Variants in GFI1B observed in about 807,000 individuals in gnomAD.
The protein encoded by GFI1B is growth factor independent 1B transcriptional repressor, also known as zinc finger protein Gfi-1b.
GFI1B carries 20 observed loss-of-function variants against 35.3 expected under a neutral mutation model. The ratio of observed to expected loss-of-function variants is 0.57; its 90% CI spans 0.40 to 0.82. The LOEUF is 0.82. GFI1B is among the 40% of genes least tolerant of loss of function. The probability of loss-of-function intolerance (pLI) is 0.00; values close to 1 mark genes in which losing one functional copy is unlikely to be tolerated. For synonymous variants in GFI1B, 178 were observed against 177.6 expected, an observed-to-expected ratio of 1.00 and a Z score of -0.02; for missense variants, 430 against 446.3, an observed-to-expected ratio of 0.96 and a Z score of 0.33.
chr9:132,955,694 G>T (rs1199709730), intron 1 of GFI1B, among the ~76,000 whole-genome samples: 2 of 151,922 alleles, frequency 1.3e-5, no homozygotes, highest in African/African-American at 4.8e-5. Flanking sequence ...TTTTCTGAAG[G>T]TAATTTAAAT....
chr9:132,951,713 G>C (rs889903064), intron 1 of GFI1B: 1 of 152,170 alleles, frequency 6.6e-6, no homozygotes, highest in African/African-American at 2.4e-5. Flanking sequence ...CTCCTCCTCT[G>C]TGTGGGACAT....
rs1233124818 is a variant in GFI1B, at chr9:132,989,487, T to A, written c.649-255T>A. 1.3e-5 allele frequency among the ~76,000 whole-genome samples: 2 copies of A among 152,206 alleles called. No homozygotes were observed. Among genetic ancestry groups the A allele is most frequent in the African/African-American group, 4.8e-5 (2 of 41,434 alleles). On this transcript the variant is annotated intron_variant, in intron 5 of 6. Transcript: ENST00000372122. The surrounding 1 kb of genome is among the most constrained non-coding windows in gnomAD (Gnocchi z 6.2). ...ACCCCTAAAGAACCTCTGAGATCAG[T>A]CAGTCCATCAGTCAATCAACGAACA... is the stretch of plus-strand genomic sequence containing the variant.
chr9:132,952,955 A>G (rs1848224617), intron 1 of GFI1B: 1 of 152,184 alleles, frequency 6.6e-6, no homozygotes, highest in Non-Finnish European at 1.5e-5. Flanking sequence ...GGACAAGCAC[A>G]ACTTGATCAT....
At chr9:132,951,944 T>A (rs1848209550) in intron 1 of GFI1B, 1 of 152,036 alleles carries the variant, frequency 6.6e-6, no homozygotes, top group Non-Finnish European at 1.5e-5. Flanking sequence ...ATTTTTTTTA[T>A]TTTTTGTAGA....
intron 1 of GFI1B, chr9:132,962,677 CAT>C (rs1848385418): frequency 2.1e-6 from 1 of 476,286 alleles, no homozygotes; most frequent in Non-Finnish European, 4.1e-6. Flanking sequence ...AGGAATTACA[CAT>C]GAGATGACAC....
chr9:132,984,471 C>A (rs989427855), intron 1 of GFI1B, among the ~76,000 whole-genome samples: 2 of 152,202 alleles, frequency 1.3e-5, no homozygotes, highest in Admixed American at 6.5e-5. Flanking sequence ...AAGGTCCTTT[C>A]TCCTAATTTT....
intron 1 of GFI1B, among the ~76,000 whole-genome samples, chr9:132,972,295 G>A (rs993226391): frequency 4.6e-5 from 7 of 152,260 alleles, no homozygotes; most frequent in Middle Eastern, 3.4e-3. Context: ...GGTGGCGGGC[G>A]CCTGTAATCC....
intron 6 of GFI1B, among the ~76,000 whole-genome samples, chr9:132,990,332 C>T (rs111320554): frequency 4.7e-5 from 7 of 150,106 alleles, no homozygotes; most frequent in African/African-American, 7.4e-5. Context: ...TTCAGTCATT[C>T]ATTCATTTGT....
chr9:132,973,483 G>A (rs1848569949), intron 2 of GFI1B, among the ~76,000 whole-genome samples: 1 of 152,198 alleles, frequency 6.6e-6, no homozygotes, highest in Non-Finnish European at 1.5e-5. Context: ...TGCCCTTAAG[G>A]AGCCCCCAGT....
chr9:132,948,178 T>A (rs1286697477), intron 1 of GFI1B, among the ~76,000 whole-genome samples: 1 of 150,056 alleles, frequency 6.7e-6, no homozygotes, highest in African/African-American at 2.5e-5. Context: ...CTCCTCTGGG[T>A]CTTTATAGAT....
rs541353832 is a variant in GFI1B, at chr9:132,980,559, G to A, written c.-21+1718G>A. ...TTTCCCGTTTTAGCCATTTTCAAGCGTACCATTCAATGGTATTAAGTACAC... is the reference window on the plus strand; with the variant it reads ...TTTCCCGTTTTAGCCATTTTCAAGCATACCATTCAATGGTATTAAGTACAC... On this transcript the variant is annotated intron_variant, in intron 1 of 6. Transcript: ENST00000372122. Among the ~76,000 whole-genome samples the A allele has an allele frequency of 1.4e-4, 21 of 152,224 alleles. No homozygotes were observed. The South Asian group carries it at 2.5e-3, about 18-fold the overall frequency.
Position 132,980,622 on chromosome 9 carries a change from A to G in GFI1B, c.-21+1781A>G, listed in dbSNP as rs1375796024. Among the ~76,000 whole-genome samples the G allele has an allele frequency of 3.3e-5, 5 of 152,332 alleles. No individual in the cohort carries two copies. The East Asian group carries it at 9.6e-4, about 29-fold the overall frequency. On this transcript the variant is annotated intron_variant, in intron 1 of 6. Transcript: ENST00000372122. ...GCAACCATCACCACCATCCATCCAC[A>G]GAACTGTTTCATCTCATAAAGCTGA...
chr9:132,990,310 CTCATTCATTTGTTCAGTCAT>C (rs1279477460), intron 6 of GFI1B, among the ~76,000 whole-genome samples: 6 of 149,690 alleles, frequency 4.0e-5, no homozygotes, highest in Admixed American at 2.7e-4. Context: ...CATTCATTTG[CTCATTCATTTGTTCAGTCAT>C]TCATTCATTT....
At chr9:132,986,514 T>C in intron 1 of GFI1B, 145 bp from the exon 2 acceptor site, 1 of 678,042 alleles carries the variant, frequency 1.5e-6, no homozygotes, top group Non-Finnish European at 2.7e-6. Context: ...TAAGGTCACA[T>C]TCACAGGTTC....
upstream of GFI1B, among the ~76,000 whole-genome samples, chr9:132,973,790 G>A (rs1009456317): frequency 2.0e-5 from 3 of 152,136 alleles, no homozygotes; most frequent in Non-Finnish European, 4.4e-5. Context: ...CGCCTCTCTG[G>A]CCTTATTCTG....
chr9:132,975,531 CTA>C (rs1380312475), upstream of GFI1B, among the ~76,000 whole-genome samples: 6 of 152,176 alleles, frequency 3.9e-5, no homozygotes, highest in African/African-American at 9.7e-5. Flanking sequence ...CTTTTGTATA[CTA>C]TGTTTATATC....
chr9:132,964,294 G>A (rs891177868), intron 1 of GFI1B, among the ~76,000 whole-genome samples: 3 of 151,982 alleles, frequency 2.0e-5, no homozygotes, highest in African/African-American at 7.3e-5. Context: ...ATTACTTAAC[G>A]GGTACAATAT....
At chr9:132,970,036 CA>C (rs1374768285) in intron 1 of GFI1B, among the ~76,000 whole-genome samples, 4 of 152,184 alleles carry the variant, frequency 2.6e-5, no homozygotes, top group African/African-American at 4.8e-5. Flanking sequence ...CGCCTTCCAG[CA>C]CATTCTTAGT....
chr9:132,950,698 A>G lies in GFI1B; in HGVS notation c.-701+5029A>G, dbSNP rs1205262019. Reference sequence around the variant, plus strand: ...CACTATACACACTATGCACTACACTATACTATACACTACACTACACTATAC... The same window carrying G: ...CACTATACACACTATGCACTACACTGTACTATACACTACACTACACTATAC... On this transcript the variant is annotated intron_variant, in intron 1 of 10. Transcript: ENST00000339463. Among the ~76,000 whole-genome samples, 2 of 80,918 alleles carry G rather than the reference A, an allele frequency of 2.5e-5. 1 individual carries two copies. The highest frequency in any genetic ancestry group is 5.2e-5 in the Non-Finnish European group (2 of 38,444). 53.1% of individuals were successfully genotyped at this position (80,918 alleles called of 152,430 possible).
Sources: gnomAD v4.1 joint callset for allele counts (sites outside exome capture counted in the v4.1 genomes callset) on GRCh38, gnomAD v4.1.1 for gene constraint, Gnocchi (gnomAD v3.1) non-coding constraint, MANE v1.5 for transcripts, NCBI Gene and HGNC (gene_info 2026-07-23, HGNC 2026-07-21) for gene names.